The following CELF4 variants were observed in gnomAD, a reference collection of about 807,000 sequenced individuals.
CELF4 encodes CUG-BP- and ETR-3-like factor 4.
Under a neutral mutation model 59.9 loss-of-function variants are expected in CELF4, and 18 were observed. That is an observed-to-expected ratio of 0.30 (90% CI 0.21 to 0.45). CELF4 has a LOEUF of 0.45. Ranked by LOEUF, CELF4 falls within the 20% of genes least tolerant of loss-of-function variation. The pLI is 1.00. For synonymous variants in CELF4, 261 were observed against 267.1 expected (o/e 0.98, Z 0.22); for missense variants, 456 against 689.0 (o/e 0.66, Z 3.79).
At chr18:37,440,456 G>A (rs1468005822) in intron 2 of CELF4, among the ~76,000 whole-genome samples, 3 of 152,216 alleles carry the variant, frequency 2.0e-5, no homozygotes, top group African/African-American at 4.8e-5. Flanking sequence ...TCCCAGGGCA[G>A]CCCTGATTTC....
At chr18:37,328,009 G>GTGCA (rs1178625505) in intron 2 of CELF4, among the ~76,000 whole-genome samples, 3 of 152,206 alleles carry the variant, frequency 2.0e-5, no homozygotes, top group Non-Finnish European at 4.4e-5. Context: ...TCATGCGTGT[G>GTGCA]TGCATGTGTG....
intron 2 of CELF4, among the ~76,000 whole-genome samples, chr18:37,410,130 G>C (rs377299218): frequency 1.6e-3 from 245 of 152,310 alleles, no homozygotes; most frequent in African/African-American, 5.5e-3. Flanking sequence ...AGCATGACAG[G>C]AAAAGGACAG....
intron 1 of CELF4, among the ~76,000 whole-genome samples, chr18:37,524,609 C>G (rs553161356): frequency 6.6e-6 from 1 of 152,322 alleles, no homozygotes; most frequent in South Asian, 2.1e-4. Context: ...AGATCCACAC[C>G]GCGGAGCAGC....
chr18:37,491,619 T>A (rs1188846719), intron 1 of CELF4, among the ~76,000 whole-genome samples: 1 of 151,586 alleles, frequency 6.6e-6, no homozygotes, highest in East Asian at 1.9e-4. Flanking sequence ...GAAGGGAGAT[T>A]GGGAAAAGTT....
chr18:37,412,856 C>T (rs1210526440), intron 2 of CELF4, among the ~76,000 whole-genome samples: 1 of 151,310 alleles, frequency 6.6e-6, no homozygotes, highest in Non-Finnish European at 1.5e-5. Context: ...CTGCCACTCC[C>T]CGCGCCAATG....
chr18:37,319,782 G>A (rs650822), intron 3 of CELF4, among the ~76,000 whole-genome samples: 78,633 of 152,194 alleles, frequency 0.52, 20,842 homozygotes, highest in East Asian at 0.75. Context: ...AAAGAGCAGG[G>A]AGAAACCCAG....
At chr18:37,495,205 A>C (rs2099923805) in intron 1 of CELF4, among the ~76,000 whole-genome samples, 1 of 152,208 alleles carries the variant, frequency 6.6e-6, no homozygotes, top group Non-Finnish European at 1.5e-5. Flanking sequence ...AGCCAGGCTC[A>C]AGTCAGTGGG....
At chr18:37,376,665 T>C (rs1448258750) in intron 2 of CELF4, among the ~76,000 whole-genome samples, 1 of 152,234 alleles carries the variant, frequency 6.6e-6, no homozygotes, top group African/African-American at 2.4e-5. Flanking sequence ...TCTTGGGGTC[T>C]GGCCTCACCT....
chr18:37,494,546 T>G lies in CELF4; in HGVS notation c.287-8939A>C, dbSNP rs114873930. Among the ~76,000 whole-genome samples the G allele has an allele frequency of 5.0e-3, 756 of 152,320 alleles. 7 individuals are homozygous for G. The highest frequency in any genetic ancestry group is 0.017 in the African/African-American group (723 of 41,562). The stretch of plus-strand genomic sequence containing the variant: ...GAGGGTGCTCCCTTATGTGTGTTTT[T>G]TTGGCAGAGGGCCTTGATTTGCCAG... On this transcript the variant is annotated intron_variant, in intron 1 of 12. Coordinates refer to ENST00000420428, the MANE Select transcript of CELF4 (RefSeq NM_020180.4).
At chr18:37,305,726 G>C (rs1241865518) in intron 3 of CELF4, 1 of 152,276 alleles carries the variant, frequency 6.6e-6, no homozygotes, top group East Asian at 1.9e-4. Flanking sequence ...CAATGGAGCA[G>C]TGATACCTAA....
chr18:37,477,996 C>A (rs897122708), intron 2 of CELF4, among the ~76,000 whole-genome samples: 2 of 152,196 alleles, frequency 1.3e-5, no homozygotes, highest in African/African-American at 4.8e-5. Context: ...GGGGAGCAGG[C>A]AGTCTGGCTG....
At chr18:37,494,039 A>C (rs1539849) in intron 1 of CELF4, among the ~76,000 whole-genome samples, 101,189 of 151,950 alleles carry the variant, frequency 0.67, 34,768 homozygotes, top group East Asian at 0.89. Flanking sequence ...GAAAGGGACC[A>C]ACCTTCTCTT....
intron 1 of CELF4, among the ~76,000 whole-genome samples, chr18:37,488,098 C>T (rs766888839): frequency 9.9e-5 from 15 of 152,254 alleles, no homozygotes; most frequent in Admixed American, 4.6e-4. Flanking sequence ...CCCAGAACGG[C>T]ACCCCCACCC....
At position 37,539,988 on chromosome 18, in the gene CELF4, A is replaced by T. The variant is rs576922282; in HGVS notation, c.286+25368T>A. Among the ~76,000 whole-genome samples, 4 of 152,274 alleles carry T rather than the reference A, an allele frequency of 2.6e-5. No homozygotes were observed. In the South Asian group the frequency reaches 8.3e-4, roughly 32 times the overall value. ...TTATTAATAACTACCCAATTATAACAGTGCATATGCATTGATGTGTGCGTA... is the reference window on the plus strand; with the variant it reads ...TTATTAATAACTACCCAATTATAACTGTGCATATGCATTGATGTGTGCGTA... On this transcript the variant is annotated intron_variant, in intron 1 of 12. Coordinates refer to ENST00000420428, the MANE Select transcript of CELF4 (RefSeq NM_020180.4).
chr18:37,367,210 G>A (rs2098796231), intron 2 of CELF4, among the ~76,000 whole-genome samples: 1 of 152,142 alleles, frequency 6.6e-6, no homozygotes, highest in South Asian at 2.1e-4. Flanking sequence ...TGGTGGTGGT[G>A]GCTACCTGGA....
intron 1 of CELF4, among the ~76,000 whole-genome samples, chr18:37,516,284 C>G (rs988146909): frequency 1.3e-5 from 2 of 152,118 alleles, no homozygotes; most frequent in African/African-American, 4.8e-5. Flanking sequence ...TGGGAGGCTC[C>G]TCCTCCCGTC....
chr18:37,428,174 T>G (rs1318081654), intron 2 of CELF4, among the ~76,000 whole-genome samples: 1 of 152,222 alleles, frequency 6.6e-6, no homozygotes, highest in African/African-American at 2.4e-5. Flanking sequence ...GATGTCAATA[T>G]TTGAAAATAC....
intron 2 of CELF4, among the ~76,000 whole-genome samples, chr18:37,402,008 G>A (rs1603636673): frequency 6.6e-6 from 1 of 152,170 alleles, no homozygotes; most frequent in Non-Finnish European, 1.5e-5. Context: ...AAAACCTAAC[G>A]TTGAGTATGC....
intron 1 of CELF4, among the ~76,000 whole-genome samples, chr18:37,524,367 A>G (rs1353659024): frequency 6.6e-6 from 1 of 152,184 alleles, no homozygotes; most frequent in Non-Finnish European, 1.5e-5. Context: ...AACCCGAGGA[A>G]TAAGGAGTCC....
Sources: gnomAD v4.1 joint callset for allele counts (sites outside exome capture counted in the v4.1 genomes callset) on GRCh38, gnomAD v4.1.1 for gene constraint, MANE v1.5 for transcripts, NCBI Gene and HGNC (gene_info 2026-07-23, HGNC 2026-07-21) for gene names.